The following TEX26 variants were observed in gnomAD, a reference collection of about 807,000 sequenced individuals.
TEX26 encodes the protein testis-expressed protein 26.
In TEX26, 34 loss-of-function variants were observed where a neutral mutation model predicts 35.3. The ratio of observed to expected loss-of-function variants is 0.96; its 90% CI spans 0.73 to 1.28. The LOEUF is 1.28. Ranked by LOEUF, TEX26 falls within the 50% of genes most tolerant of loss-of-function variation. The probability of loss-of-function intolerance (pLI) is 0.00; values close to 1 mark genes in which losing one functional copy is unlikely to be tolerated. For missense variants in TEX26, 371 were observed against 330.1 expected (o/e 1.12, Z -0.96); for synonymous variants, 136 against 111.8 (o/e 1.22, Z -1.36).
chr13:30,949,069 C>T, intron 2 of TEX26, among the ~76,000 whole-genome samples: 1 of 152,162 alleles, frequency 6.6e-6, no homozygotes, highest in Non-Finnish European at 1.5e-5. Flanking sequence ...GGCATTATTT[C>T]TGACGGCTCT....
At chr13:30,941,466 C>T (rs867315232) in intron 2 of TEX26, among the ~76,000 whole-genome samples, 7 of 152,318 alleles carry the variant, frequency 4.6e-5, no homozygotes, top group Middle Eastern at 6.8e-3. Context: ...TTATAAACTT[C>T]TCACAAAAGT....
At chr13:30,940,322 CTTTTTTTTTTTTTTTTT>C (rs869246492) in intron 2 of TEX26, among the ~76,000 whole-genome samples, 2 of 52,044 alleles carry the variant, frequency 3.8e-5, no homozygotes, top group African/African-American at 7.7e-5. Flanking sequence ...CATCAGCTGC[CTTTTTTTTTTTTTTTTT>C]TTTTTTTTTT....
At chr13:30,947,692 G>C (rs1335546486) in intron 2 of TEX26, among the ~76,000 whole-genome samples, 1 of 151,910 alleles carries the variant, frequency 6.6e-6, no homozygotes, top group Non-Finnish European at 1.5e-5. Flanking sequence ...TGTTCAAAAA[G>C]GATTTGGAAA....
chr13:30,951,608 C>T (rs1329850222), intron 2 of TEX26, among the ~76,000 whole-genome samples: 2 of 152,156 alleles, frequency 1.3e-5, no homozygotes, highest in African/African-American at 2.4e-5. Flanking sequence ...AATCATCACT[C>T]GTTAGATACT....
intron 5 of TEX26, among the ~76,000 whole-genome samples, chr13:30,967,955 C>T (rs1954595731): frequency 6.6e-6 from 1 of 152,150 alleles, no homozygotes; most frequent in Admixed American, 6.5e-5. Flanking sequence ...CCTTACTGTG[C>T]CATCCCAAAT....
At chr13:30,969,483 C>G (rs1954646738) in intron 6 of TEX26, among the ~76,000 whole-genome samples, 1 of 152,164 alleles carries the variant, frequency 6.6e-6, no homozygotes, top group Non-Finnish European at 1.5e-5. Flanking sequence ...ATATATCACT[C>G]TCTGAAGGAG....
intron 4 of TEX26, among the ~76,000 whole-genome samples, chr13:30,963,046 T>G (rs1489494290): frequency 2.0e-5 from 3 of 151,836 alleles, no homozygotes; most frequent in Non-Finnish European, 4.4e-5. Context: ...GCCAGGATGG[T>G]CTCAATCTCC....
intron 1 of TEX26, among the ~76,000 whole-genome samples, chr13:30,935,208 G>A (rs1422919199): frequency 6.6e-6 from 1 of 152,250 alleles, no homozygotes; most frequent in Non-Finnish European, 1.5e-5. Flanking sequence ...ATCTCAGAGT[G>A]GGGTTGGGAC....
chr13:30,935,250 G>A (rs1357744314), intron 1 of TEX26, among the ~76,000 whole-genome samples: 2 of 152,242 alleles, frequency 1.3e-5, no homozygotes. Context: ...GCAGCAGGAG[G>A]CAGACAGAGT....
At chr13:30,962,428 G>A (rs1219449945) in intron 4 of TEX26, among the ~76,000 whole-genome samples, 1 of 152,120 alleles carries the variant, frequency 6.6e-6, no homozygotes, top group African/African-American at 2.4e-5. Context: ...CTTCCTCCCT[G>A]TGGAGCAGGT....
chr13:30,965,131 G>A (rs893212264), intron 4 of TEX26, among the ~76,000 whole-genome samples: 6 of 152,060 alleles, frequency 3.9e-5, no homozygotes, highest in Admixed American at 2.0e-4. Flanking sequence ...AGGTCATTAT[G>A]AGGGCTATTG....
rs150561122 is a variant in TEX26 at position 30,935,689 on chromosome 13, C to T, written c.61+2913C>T. Among the ~76,000 whole-genome samples, 607 of 152,334 alleles carry T rather than the reference C, an allele frequency of 4.0e-3. 2 individuals are homozygous for T. The highest frequency in any genetic ancestry group is 0.014 in the Middle Eastern group (4 of 292). On this transcript the variant is annotated intron_variant, in intron 1 of 6. Transcript: ENST00000380473. ...ATGACTTGCCTATGGAGAGGAGCTA[C>T]GCTGCCTAGGGCCTCCTCTCTACTG...
chr13:30,948,232 T>A (rs1390677761), intron 2 of TEX26, among the ~76,000 whole-genome samples: 1 of 152,350 alleles, frequency 6.6e-6, no homozygotes, highest in East Asian at 1.9e-4. Flanking sequence ...CAGCATGATT[T>A]ACAATCCTTT....
At chr13:30,960,818 C>G (rs941346824) in intron 4 of TEX26, among the ~76,000 whole-genome samples, 1 of 152,172 alleles carries the variant, frequency 6.6e-6, no homozygotes, top group Non-Finnish European at 1.5e-5. Context: ...TGCAAGGGAG[C>G]AGAGGCCGAT....
chr13:30,949,285 A>G (rs936304682), intron 2 of TEX26, among the ~76,000 whole-genome samples: 2 of 152,260 alleles, frequency 1.3e-5, no homozygotes, highest in East Asian at 1.9e-4. Context: ...CAAAATACAG[A>G]CTTTTTTGAT....
At chr13:30,955,832 C>T (rs1023546405) in intron 3 of TEX26, among the ~76,000 whole-genome samples, 2 of 152,056 alleles carry the variant, frequency 1.3e-5, no homozygotes, top group East Asian at 3.9e-4. Context: ...GCGCGGCTCC[C>T]CTCCCGTCAC....
chr13:30,970,212 T>C (rs991170605), intron 6 of TEX26, among the ~76,000 whole-genome samples: 7 of 124,232 alleles, frequency 5.6e-5, no homozygotes, highest in African/African-American at 1.2e-4. Context: ...TGTGTGTGTG[T>C]GCTGGGAGAA....
chr13:30,950,423 G>C (rs1397438947), intron 2 of TEX26, among the ~76,000 whole-genome samples: 1 of 152,048 alleles, frequency 6.6e-6, no homozygotes, highest in Admixed American at 6.6e-5. Context: ...AAAGTAGTCA[G>C]CATGACCAAT....
chr13:30,940,938 A>AAAAC (rs544908061), intron 2 of TEX26, among the ~76,000 whole-genome samples: 7 of 152,240 alleles, frequency 4.6e-5, no homozygotes, highest in Middle Eastern at 3.4e-3. Context: ...GCTCTGTCTC[A>AAAAC]AAACAAACAA....
Sources: gnomAD v4.1 joint callset for allele counts (sites outside exome capture counted in the v4.1 genomes callset) on GRCh38, gnomAD v4.1.1 for gene constraint, MANE v1.5 for transcripts, NCBI Gene and HGNC (gene_info 2026-07-23, HGNC 2026-07-21) for gene names.